PCDH9: variants seen among roughly 807,000 people sequenced by gnomAD.
PCDH9 encodes the protein protocadherin 9.
Under a neutral mutation model 70.6 loss-of-function variants are expected in PCDH9, and 24 were observed. The ratio of observed to expected loss-of-function variants is 0.34; its 90% CI spans 0.25 to 0.48. The LOEUF (loss-of-function observed/expected upper bound fraction) is 0.48, where lower values mean the gene tolerates loss of function less well. Ranked by LOEUF, PCDH9 falls within the 20% of genes least tolerant of loss-of-function variation. The pLI is 0.99. For missense variants in PCDH9, 1,281 were observed against 1,503.6 expected, an observed-to-expected ratio of 0.85 and a Z score of 2.45; for synonymous variants, 562 against 558.5, an observed-to-expected ratio of 1.01 and a Z score of -0.09.
chr13:66,575,534 CA>C (rs2076802683), intron 4 of PCDH9, among the ~76,000 whole-genome samples: 1 of 152,132 alleles, frequency 6.6e-6, no homozygotes, highest in South Asian at 2.1e-4. Context: ...CCATGCCTAC[CA>C]CCTTCCTCTT....
intron 2 of PCDH9, among the ~76,000 whole-genome samples, chr13:67,038,894 G>T (rs1169191794): frequency 6.6e-6 from 1 of 152,116 alleles, no homozygotes; most frequent in Non-Finnish European, 1.5e-5. Context: ...GCAAGTCTTA[G>T]CAGTCCTGTA....
At chr13:67,106,480 A>G (rs1566428591) in intron 2 of PCDH9, among the ~76,000 whole-genome samples, 1 of 152,220 alleles carries the variant, frequency 6.6e-6, no homozygotes, top group Non-Finnish European at 1.5e-5. Context: ...ATCAGTTGTG[A>G]TTTCATATTT....
At chr13:67,208,388 A>G (rs1476127328) in intron 2 of PCDH9, 1 of 152,194 alleles carries the variant, frequency 6.6e-6, no homozygotes, top group Non-Finnish European at 1.5e-5. Context: ...ATGAATACTT[A>G]GAAAGCATAT....
intron 3 of PCDH9, among the ~76,000 whole-genome samples, chr13:66,771,051 A>G (rs1030967370): frequency 2.0e-5 from 3 of 151,930 alleles, no homozygotes; most frequent in African/African-American, 7.3e-5. Flanking sequence ...TCTTCACAGC[A>G]CTCATCTGAA....
At chr13:66,853,786 A>G (rs2081352683) in intron 3 of PCDH9, among the ~76,000 whole-genome samples, 1 of 151,774 alleles carries the variant, frequency 6.6e-6, no homozygotes, top group South Asian at 2.1e-4. Flanking sequence ...TATCACCCAG[A>G]CTGGACTTGA....
At chr13:66,977,478 G>T (rs761717483) in intron 2 of PCDH9, 1 of 152,054 alleles carries the variant, frequency 6.6e-6, no homozygotes, top group African/African-American at 2.4e-5. Flanking sequence ...CAACAAAAAG[G>T]ATGACTACTT....
chr13:66,587,958 C>T (rs1299170617), intron 4 of PCDH9, among the ~76,000 whole-genome samples: 3 of 151,962 alleles, frequency 2.0e-5, no homozygotes, highest in African/African-American at 2.4e-5. Flanking sequence ...GGTTGAATGT[C>T]GCTCACCTCT....
intron 2 of PCDH9, among the ~76,000 whole-genome samples, chr13:67,102,436 A>C (rs2086453008): frequency 6.6e-6 from 1 of 152,192 alleles, no homozygotes; most frequent in South Asian, 2.1e-4. Context: ...ATCCAGACAT[A>C]TTAATGTTGC....
At chr13:66,917,709 C>T (rs1427974651) in intron 2 of PCDH9, among the ~76,000 whole-genome samples, 2 of 151,372 alleles carry the variant, frequency 1.3e-5, no homozygotes, top group Admixed American at 1.3e-4. Flanking sequence ...TAAAGAGATA[C>T]ATGAATATTC....
At chr13:66,739,147 C>T (rs2079211225) in intron 3 of PCDH9, among the ~76,000 whole-genome samples, 1 of 144,918 alleles carries the variant, frequency 6.9e-6, no homozygotes, top group Admixed American at 7.0e-5. Flanking sequence ...GATCTCTCGG[C>T]AGAAACCCTA....
intron 4 of PCDH9, among the ~76,000 whole-genome samples, chr13:66,460,874 C>T (rs1958410627): frequency 6.6e-6 from 1 of 151,820 alleles, no homozygotes; most frequent in Non-Finnish European, 1.5e-5. Flanking sequence ...GATGACAACA[C>T]CAGAAGCTCC....
intron 2 of PCDH9, among the ~76,000 whole-genome samples, chr13:67,118,681 AAAGC>A (rs2086822989): frequency 6.6e-6 from 1 of 152,134 alleles, no homozygotes; most frequent in East Asian, 1.9e-4. Flanking sequence ...AGTTTTTTGC[AAAGC>A]AAGAAGCCAG....
chr13:67,056,621 A>G (rs1320579378), intron 2 of PCDH9, among the ~76,000 whole-genome samples: 1 of 152,176 alleles, frequency 6.6e-6, no homozygotes, highest in East Asian at 1.9e-4. Flanking sequence ...TCATGGCTCT[A>G]TAATAATATA....
rs1594414834 is a variant in PCDH9 at position 67,030,480 on chromosome 13, C to T, written c.3037-126875G>A. Among the ~76,000 whole-genome samples, 9 of 151,950 alleles carry T rather than the reference C, an allele frequency of 5.9e-5. 1 individual carries two copies. Among genetic ancestry groups the T allele is most frequent in the Admixed American group, 5.9e-4 (9 of 15,224 alleles). On this transcript the variant is annotated intron_variant, in intron 2 of 4. Transcript: ENST00000377865. ...GTACCCATTAACCAACCTCTCATCC[C>T]CCCACCACCGACCCCCACCAACACA... is the stretch of plus-strand genomic sequence containing the variant.
intron 3 of PCDH9, among the ~76,000 whole-genome samples, chr13:66,730,103 C>T (rs1000675288): frequency 2.0e-5 from 3 of 152,150 alleles, no homozygotes; most frequent in African/African-American, 7.2e-5. Flanking sequence ...TCTGTAGAGA[C>T]AGGATTTTCT....
chr13:66,348,379 AC>A (rs1427949830), intron 4 of PCDH9, among the ~76,000 whole-genome samples: 6 of 136,384 alleles, frequency 4.4e-5, no homozygotes, highest in Admixed American at 1.6e-4. Context: ...AATTTCAACA[AC>A]AAAAAGTAAC....
chr13:66,770,955 C>T (rs551556977), intron 3 of PCDH9, among the ~76,000 whole-genome samples: 7 of 152,322 alleles, frequency 4.6e-5, no homozygotes, highest in Non-Finnish European at 7.4e-5. Context: ...CCTGAGTTAA[C>T]TCCTACATAC....
At position 66,989,801 on chromosome 13, in the gene PCDH9, G is replaced by C. The variant is rs375631726; in HGVS notation, c.3037-86196C>G. On this transcript the variant is annotated intron_variant, in intron 2 of 4. Coordinates refer to ENST00000377865, the MANE Select transcript of PCDH9 (RefSeq NM_203487.3). ...ACTCTCAGAGAATATTAAAGAACAG[G>C]GTGAGGTATTAGCAAAACGGGAACA... 5.3e-5 allele frequency among the ~76,000 whole-genome samples: 8 copies of C among 151,812 alleles called. No homozygotes were observed. In the South Asian group the frequency reaches 1.2e-3, roughly 24 times the overall value.
chr13:67,173,663 C>A (rs1044647395), intron 2 of PCDH9, among the ~76,000 whole-genome samples: 2 of 152,120 alleles, frequency 1.3e-5, no homozygotes, highest in East Asian at 1.9e-4. Context: ...AAGAAAATGA[C>A]CCTGGAAAAT....
Sources: gnomAD v4.1 joint callset for allele counts (sites outside exome capture counted in the v4.1 genomes callset) on GRCh38, gnomAD v4.1.1 for gene constraint, MANE v1.5 for transcripts, NCBI Gene and HGNC (gene_info 2026-07-23, HGNC 2026-07-21) for gene names.